DMXL2: variants seen among roughly 807,000 people sequenced by gnomAD.
DMXL2 encodes the protein Dmx like 2.
In DMXL2, 103 loss-of-function variants were observed where a neutral mutation model predicts 331.1. The ratio of observed to expected loss-of-function variants is 0.31; its 90% CI spans 0.27 to 0.37. The LOEUF is 0.37. Among genes scored for constraint, DMXL2 ranks in the 10% least tolerant of loss-of-function variants. DMXL2 has a pLI of 1.00. For missense variants in DMXL2, 3,171 were observed against 3,642.9 expected (o/e 0.87, Z 3.33); for synonymous variants, 1,281 against 1,252.1 (o/e 1.02, Z -0.49).
chr15:51,615,860 G>A (rs1184155727), intron 1 of DMXL2, among the ~76,000 whole-genome samples: 2 of 152,146 alleles, frequency 1.3e-5, no homozygotes, highest in African/African-American at 2.4e-5. Flanking sequence ...GCTAACGGAT[G>A]AGCTACATAT....
rs769986935 is a variant in DMXL2 at position 51,588,524 on chromosome 15, G to A, written c.88-12343C>T. Among the ~76,000 whole-genome samples, 7 of 152,010 alleles carry A rather than the reference G, an allele frequency of 4.6e-5. No individual in the cohort carries two copies. In the South Asian group the frequency reaches 1.2e-3, roughly 27 times the overall value. On this transcript the variant is annotated intron_variant, in intron 1 of 43. Coordinates refer to ENST00000560891, the MANE Select transcript of DMXL2 (RefSeq NM_001378457.1). ...TTCTTAATACATTTTACATTTGAAA[G>A]TTTTAAAGTTAATTGTATATTATGT...
At chr15:51,515,282 G>T (rs867360472) in intron 14 of DMXL2, among the ~76,000 whole-genome samples, 1 of 152,094 alleles carries the variant, frequency 6.6e-6, no homozygotes, top group African/African-American at 2.4e-5. Flanking sequence ...GCTTATTTTG[G>T]AAGTGTATTA....
chr15:51,465,674 A>G, intron 30 of DMXL2, 23 bp from the exon 31 acceptor site: 1 of 1,492,736 alleles, frequency 6.7e-7, no homozygotes, highest in Non-Finnish European at 9.1e-7. Context: ...GGGCAAAAAG[A>G]GTCTTTAAGT....
intron 23 of DMXL2, among the ~76,000 whole-genome samples, chr15:51,484,212 T>C (rs1164428669): frequency 6.6e-6 from 1 of 152,198 alleles, no homozygotes; most frequent in Non-Finnish European, 1.5e-5. Context: ...ATATGAGCCC[T>C]GTGGGCTGCT....
rs147549953 is a variant in DMXL2 at position 51,449,287 on chromosome 15, A to ACC, written c.8968-95_8968-94insGG. The ACC allele has an allele frequency of 4.9e-4, 609 of 1,247,696 alleles. 2 individuals are homozygous for ACC. In the East Asian group the frequency reaches 0.011, roughly 23 times the overall value. The allele number at this position is 1,247,696 out of a possible 1,614,324, so 77.3% of individuals were successfully genotyped here. On this transcript the variant is annotated intron_variant, in intron 43 of 43. Transcript: ENST00000560891. Reference sequence around the variant, plus strand: ...CTCCCTTGGCCCAAGTGATCTCACTAAAGCCCAACCTTCCCACCCACTGCC... The same window carrying ACC: ...CTCCCTTGGCCCAAGTGATCTCACTACCAAGCCCAACCTTCCCACCCACTGCC...
At chr15:51,465,171 G>A (rs2040461180) in intron 31 of DMXL2, among the ~76,000 whole-genome samples, 1 of 152,146 alleles carries the variant, frequency 6.6e-6, no homozygotes, top group African/African-American at 2.4e-5. Context: ...CAAGGCAGGT[G>A]GATCGTTTGA....
At chr15:51,611,434 A>G (rs1356759037) in intron 1 of DMXL2, among the ~76,000 whole-genome samples, 1 of 152,252 alleles carries the variant, frequency 6.6e-6, no homozygotes, top group Non-Finnish European at 1.5e-5. Context: ...ACATTCTCAA[A>G]TCAGTAATAA....
chr15:51,583,329 A>C (rs1441438656), intron 1 of DMXL2, among the ~76,000 whole-genome samples: 3 of 91,556 alleles, frequency 3.3e-5, no homozygotes, highest in Non-Finnish European at 6.5e-5. Flanking sequence ...TCCTGTGTCC[A>C]TGTGATCTCA....
In DMXL2 at chr15:51,547,376, C is replaced by G; in HGVS notation, c.600G>C (p.Met200Ile). ...GTATAATTGAAGACTTCCAACCAGT[C>G]ATAGGATACCACACTTTCAAAAGAC... Reference protein sequence around the residue: ...DDCLLKVWYPMTGWKSSIIPQ... With the variant: ...DDCLLKVWYPITGWKSSIIPQ... The change falls in exon 7 of 44, where the codon ATG becomes ATC. Residue 200 changes from methionine (M) to isoleucine (I), a missense_variant. Physicochemically the swap from Met to Ile is conservative, Grantham distance 10. Around this residue, in one of 7 missense-constraint regions of DMXL2, gnomAD observed 1,674 missense variants for 1,780.2 expected, o/e 0.94. Coordinates refer to ENST00000560891, the MANE Select transcript of DMXL2 (RefSeq NM_001378457.1). 1 of 1,600,838 alleles carries G rather than the reference C, an allele frequency of 6.2e-7. No individual in the cohort carries two copies. Among genetic ancestry groups the G allele is most frequent in the Non-Finnish European group, 8.5e-7 (1 of 1,175,738 alleles).
At chr15:51,591,119 C>T (rs2052284234) in intron 1 of DMXL2, among the ~76,000 whole-genome samples, 2 of 152,152 alleles carry the variant, frequency 1.3e-5, no homozygotes, top group African/African-American at 4.8e-5. Context: ...GAACGTGAAC[C>T]GAAGCAGGGC....
At chr15:51,591,238 A>G (rs1396059476) in intron 1 of DMXL2, among the ~76,000 whole-genome samples, 2 of 152,146 alleles carry the variant, frequency 1.3e-5, no homozygotes, top group Admixed American at 1.3e-4. Context: ...CCACCCTAAT[A>G]CTGTGCTTTT....
chr15:51,472,984 C>G (rs1023375187), intron 28 of DMXL2, among the ~76,000 whole-genome samples: 1 of 107,006 alleles, frequency 9.3e-6, no homozygotes, highest in African/African-American at 3.9e-5. Context: ...CTATTCTCAT[C>G]TCCTACAACA....
At chr15:51,563,591 T>C (rs929807655) in intron 5 of DMXL2, 144 bp from the exon 6 acceptor site, 4 of 515,026 alleles carry the variant, frequency 7.8e-6, no homozygotes, top group East Asian at 7.0e-5. Flanking sequence ...ATAAATAAAA[T>C]ATTTCACCTC....
chr15:51,494,951 AC>A (rs1429466656), intron 19 of DMXL2, 72 bp downstream of exon 19: 1 of 1,091,376 alleles, frequency 9.2e-7, no homozygotes, highest in East Asian at 2.4e-5. Context: ...ATGTTTACAC[AC>A]AAACATGATA....
At chr15:51,460,934 T>G (rs1272890441) in intron 33 of DMXL2, among the ~76,000 whole-genome samples, 1 of 152,214 alleles carries the variant, frequency 6.6e-6, no homozygotes, top group African/African-American at 2.4e-5. Context: ...AGTTTCTCAA[T>G]CATGCTAGCC....
intron 1 of DMXL2, among the ~76,000 whole-genome samples, chr15:51,620,413 TA>T (rs1403862076): frequency 6.6e-6 from 1 of 152,144 alleles, no homozygotes; most frequent in Non-Finnish European, 1.5e-5. Context: ...TGTTGCAACA[TA>T]AAAATGCAGT....
intron 19 of DMXL2, among the ~76,000 whole-genome samples, chr15:51,492,960 AAAAT>A (rs1402941776): frequency 6.6e-6 from 1 of 152,196 alleles, no homozygotes; most frequent in African/African-American, 2.4e-5. Context: ...TAGAAAGTAT[AAAAT>A]AAAAACTATT....
At chr15:51,525,492 T>C (rs1278925475) in intron 13 of DMXL2, among the ~76,000 whole-genome samples, 1 of 152,176 alleles carries the variant, frequency 6.6e-6, no homozygotes, top group Non-Finnish European at 1.5e-5. Context: ...AAGCAGGCTC[T>C]TGGAGTCCCC....
chr15:51,528,293 G>A (rs983909069), intron 13 of DMXL2, among the ~76,000 whole-genome samples: 10 of 152,038 alleles, frequency 6.6e-5, no homozygotes, highest in African/African-American at 2.2e-4. Context: ...GTGGCTGAAT[G>A]GGTAAACAAA....
Sources: gnomAD v4.1 joint callset for allele counts (sites outside exome capture counted in the v4.1 genomes callset) on GRCh38, gnomAD v4.1.1 for gene constraint, gnomAD v4.1.1 regional missense constraint, MANE v1.5 for transcripts, NCBI Gene and HGNC (gene_info 2026-07-23, HGNC 2026-07-21) for gene names.